PDE10A: variants seen among roughly 807,000 people sequenced by gnomAD.
PDE10A encodes the protein phosphodiesterase 10A.
A neutral mutation model predicts 97.7 loss-of-function variants in PDE10A; 39 were observed. The ratio of observed to expected loss-of-function variants is 0.40; its 90% CI spans 0.31 to 0.52. The LOEUF is 0.52. Ranked by LOEUF, PDE10A falls within the 20% of genes least tolerant of loss-of-function variation. The pLI, the probability that PDE10A is intolerant of heterozygous loss-of-function variation, is 0.56. For synonymous variants in PDE10A, 371 were observed against 376.8 expected (o/e 0.98, Z 0.18); for missense variants, 731 against 1,047.8 (o/e 0.70, Z 4.17).
rs1324398695 is a variant in PDE10A, at chr6:165,662,608, G to A, written c.204C>T (p.Pro68=). The change falls in exon 1 of 22, where the codon CCC becomes CCT. Residue 68 remains proline (P), a synonymous_variant. Transcript: ENST00000539869. The part of the protein sequence containing the change: ...RAERAAPPRP[P]LSSAGRPSPA... ...GGCTGGGGCGGCCTGCGGAGGAGAG[G>A]GGCGGGCGCGGGGGCGCGGCGCGCT... 6.9e-6 allele frequency: 1 copy of A among 144,650 alleles called. No individual in the cohort carries two copies. The highest frequency in any genetic ancestry group is 1.5e-5 in the Non-Finnish European group (1 of 65,134). 9.0% of individuals were successfully genotyped at this position (144,650 alleles called of 1,614,324 possible).
At chr6:165,511,751 T>C (rs927331995) in intron 2 of PDE10A, among the ~76,000 whole-genome samples, 34 of 152,040 alleles carry the variant, frequency 2.2e-4, no homozygotes, top group Admixed American at 9.8e-4. Flanking sequence ...AGAATTGATC[T>C]CTTTATCATT....
chr6:165,381,230 T>C (rs1347093093), intron 17 of PDE10A, among the ~76,000 whole-genome samples: 3 of 152,240 alleles, frequency 2.0e-5, no homozygotes, highest in Admixed American at 1.3e-4. Flanking sequence ...GGATATGTCA[T>C]CTGTAAGCTC....
chr6:165,604,758 A>G (rs575832311), intron 1 of PDE10A, among the ~76,000 whole-genome samples: 4 of 152,310 alleles, frequency 2.6e-5, no homozygotes, highest in Non-Finnish European at 5.9e-5. Context: ...GGAAGCTGCT[A>G]AAGGTACCAT....
At chr6:165,783,747 A>G (rs1402837565) in intron 1 of PDE10A, among the ~76,000 whole-genome samples, 1 of 152,224 alleles carries the variant, frequency 6.6e-6, no homozygotes, top group Non-Finnish European at 1.5e-5. Context: ...ATCTAGGAAC[A>G]AGCAATAGAG....
intron 1 of PDE10A, among the ~76,000 whole-genome samples, chr6:165,594,151 C>T (rs1238680621): frequency 6.6e-6 from 1 of 152,192 alleles, no homozygotes; most frequent in Non-Finnish European, 1.5e-5. Flanking sequence ...GCAATGAGCA[C>T]ATCTAGTGCT....
At chr6:165,426,026 C>T (rs1310582660) in intron 10 of PDE10A, among the ~76,000 whole-genome samples, 1 of 151,304 alleles carries the variant, frequency 6.6e-6, no homozygotes, top group East Asian at 1.9e-4. Flanking sequence ...CACAAAACAC[C>T]ATTGAAAAAA....
chr6:165,757,637 C>A (rs1793147239), intron 1 of PDE10A, among the ~76,000 whole-genome samples: 1 of 152,032 alleles, frequency 6.6e-6, no homozygotes, highest in African/African-American at 2.4e-5. Flanking sequence ...ATACAAACTT[C>A]TTTTGTGTAT....
intron 1 of PDE10A, among the ~76,000 whole-genome samples, chr6:165,783,874 G>C (rs1371342442): frequency 2.6e-5 from 4 of 152,138 alleles, no homozygotes; most frequent in Admixed American, 2.0e-4. Context: ...ACCTAGGTTT[G>C]AGAAATAAAT....
At chr6:165,577,944 A>G (rs1159107470) in intron 1 of PDE10A, among the ~76,000 whole-genome samples, 1 of 152,064 alleles carries the variant, frequency 6.6e-6, no homozygotes, top group East Asian at 1.9e-4. Flanking sequence ...CTCTCTAAAC[A>G]TGGGCCCTGC....
intron 1 of PDE10A, among the ~76,000 whole-genome samples, chr6:165,688,078 A>G (rs759785788): frequency 2.6e-5 from 4 of 152,256 alleles, no homozygotes; most frequent in Non-Finnish European, 5.9e-5. Flanking sequence ...CACCTGAGAC[A>G]TGGAAAACAT....
In PDE10A at chr6:165,655,559, G is replaced by A. The variant is rs541969589; in HGVS notation, c.865+6388C>T. ...CTCCAAACACCTCCTGAACCACCGCGGCATTTTGCTTCTACCATCATCGCC... is the reference window on the plus strand; with the variant it reads ...CTCCAAACACCTCCTGAACCACCGCAGCATTTTGCTTCTACCATCATCGCC... On this transcript the variant is annotated intron_variant, in intron 1 of 21. Transcript: ENST00000539869. This position sits in a 1 kb window ranked among gnomAD's most constrained non-coding sequence, Gnocchi z 4.5. Among the ~76,000 whole-genome samples the A allele has an allele frequency of 5.2e-4, 79 of 151,900 alleles. No homozygotes were observed. The highest frequency in any genetic ancestry group is 7.4e-4 in the Non-Finnish European group (50 of 68,006).
At chr6:165,381,631 A>ATTTTTTTT (rs547827126) in intron 17 of PDE10A, among the ~76,000 whole-genome samples, 101 of 118,648 alleles carry the variant, frequency 8.5e-4, no homozygotes, top group Middle Eastern at 4.9e-3. Context: ...CACCTGGCTA[A>ATTTTTTTT]TTTTTTTTTT....
At chr6:165,647,314 G>A (rs922124267) in intron 1 of PDE10A, among the ~76,000 whole-genome samples, 1 of 152,158 alleles carries the variant, frequency 6.6e-6, no homozygotes, top group Non-Finnish European at 1.5e-5. Flanking sequence ...AGCTGCCAGC[G>A]GCAGGGCCTT....
intron 1 of PDE10A, among the ~76,000 whole-genome samples, chr6:165,694,631 C>G (rs746825454): frequency 6.6e-6 from 1 of 152,222 alleles, no homozygotes; most frequent in Non-Finnish European, 1.5e-5. Context: ...ACGCTGCTGC[C>G]TCGTTTATAA....
At chr6:165,891,053 G>T (rs1781778118) in intron 1 of PDE10A, among the ~76,000 whole-genome samples, 1 of 152,190 alleles carries the variant, frequency 6.6e-6, no homozygotes. Context: ...TTGTGAGATT[G>T]GTGGTTGAAG....
chr6:165,767,134 G>T (rs1479083572), intron 1 of PDE10A, among the ~76,000 whole-genome samples: 1 of 152,086 alleles, frequency 6.6e-6, no homozygotes, highest in Non-Finnish European at 1.5e-5. Flanking sequence ...GTTCTAATCA[G>T]ATTTTTGTTT....
chr6:165,797,168 C>T (rs1778852892), intron 1 of PDE10A, among the ~76,000 whole-genome samples: 1 of 152,182 alleles, frequency 6.6e-6, no homozygotes, highest in South Asian at 2.1e-4. Context: ...AGCAAGGACA[C>T]TCCACAGTGT....
intron 1 of PDE10A, among the ~76,000 whole-genome samples, chr6:165,859,304 T>C (rs548525876): frequency 1.4e-4 from 21 of 152,322 alleles, no homozygotes; most frequent in Middle Eastern, 6.8e-3. Flanking sequence ...AAGAAAAGTT[T>C]TGGTAAAATA....
Position 165,349,748 on chromosome 6 carries a change from A to G in PDE10A, c.2784-6246T>C, listed in dbSNP as rs200537397. 5.9e-5 allele frequency among the ~76,000 whole-genome samples: 9 copies of G among 152,298 alleles called. No individual in the cohort carries two copies. In the East Asian group the frequency reaches 1.5e-3, roughly 26 times the overall value. The stretch of plus-strand genomic sequence containing the variant: ...CCCCTGCTCTATGCAGCCTTGGGAC[A>G]TGGTGCCCTGTTTACCAGCTGCTTC... On this transcript the variant is annotated intron_variant, in intron 18 of 21. Coordinates refer to ENST00000539869, the MANE Select transcript of PDE10A (RefSeq NM_001385079.1).
Sources: gnomAD v4.1 joint callset for allele counts (sites outside exome capture counted in the v4.1 genomes callset) on GRCh38, gnomAD v4.1.1 for gene constraint, Gnocchi (gnomAD v3.1) non-coding constraint, MANE v1.5 for transcripts, NCBI Gene and HGNC (gene_info 2026-07-23, HGNC 2026-07-21) for gene names.